MRC1: variants seen among roughly 807,000 people sequenced by gnomAD.
MRC1 encodes mannose receptor C-type 1.
MRC1 carries 62 observed loss-of-function variants against 102.9 expected under a neutral mutation model. That is an observed-to-expected ratio of 0.60 (90% CI 0.49 to 0.74). The LOEUF is 0.74. Ranked by LOEUF, MRC1 falls within the 30% of genes least tolerant of loss-of-function variation. The probability of loss-of-function intolerance (pLI) is 0.00; values close to 1 mark genes in which losing one functional copy is unlikely to be tolerated. For missense variants in MRC1, 1,237 were observed against 862.8 expected (o/e 1.43, Z -5.43); for synonymous variants, 457 against 298.4 (o/e 1.53, Z -5.48).
intron 22 of MRC1, among the ~76,000 whole-genome samples, chr10:17,892,182 G>A: frequency 6.6e-6 from 1 of 152,150 alleles, no homozygotes; most frequent in Admixed American, 6.5e-5. Flanking sequence ...CACCTCTCCT[G>A]TTGGAAGCAA....
chr10:17,875,283 T>G, intron 17 of MRC1, 30 bp downstream of exon 17: 1 of 778,552 alleles, frequency 1.3e-6, no homozygotes, highest in Non-Finnish European at 2.4e-6. Flanking sequence ...TTTAAAATTT[T>G]AATAGTTTTT....
chr10:17,861,048 G>A (rs953217440), intron 9 of MRC1, among the ~76,000 whole-genome samples: 7 of 152,278 alleles, frequency 4.6e-5, no homozygotes, highest in Admixed American at 1.3e-4. Context: ...AGTGGCTCAC[G>A]CCTATAATCC....
At chr10:17,872,436 A>C (rs1037577711) in intron 15 of MRC1, among the ~76,000 whole-genome samples, 2 of 152,194 alleles carry the variant, frequency 1.3e-5, no homozygotes, top group Non-Finnish European at 2.9e-5. Flanking sequence ...CTATGCTGTC[A>C]ACAGAATAAT....
chr10:17,855,571 C>CAAA (rs35692453), intron 8 of MRC1, among the ~76,000 whole-genome samples: 519 of 42,082 alleles, frequency 0.012, 95 homozygotes, highest in South Asian at 0.034. Context: ...GACTCCGTCT[C>CAAA]AAAAAAAAAA....
At chr10:17,908,614 C>G (rs1375784488) in intron 28 of MRC1, among the ~76,000 whole-genome samples, 1 of 150,156 alleles carries the variant, frequency 6.7e-6, no homozygotes, top group Non-Finnish European at 1.5e-5. Context: ...CTGTTGCCCA[C>G]TCTGTTGCCA....
At chr10:17,859,507 G>T (rs904303478) in intron 9 of MRC1, among the ~76,000 whole-genome samples, 128 of 152,142 alleles carry the variant, frequency 8.4e-4, no homozygotes, top group African/African-American at 3.0e-3. Flanking sequence ...CAGTCAAGAC[G>T]GGGTTTCACC....
chr10:17,833,003 T>G (rs967702443), intron 3 of MRC1, among the ~76,000 whole-genome samples: 2 of 151,976 alleles, frequency 1.3e-5, no homozygotes, highest in African/African-American at 4.8e-5. Context: ...TGGATAATTT[T>G]TGAATCCTCA....
chr10:17,845,494 T>G (rs1174833095), intron 6 of MRC1, 59 bp downstream of exon 6: 4 of 778,918 alleles, frequency 5.1e-6, no homozygotes, highest in African/African-American at 1.7e-5. Flanking sequence ...ATAAGTAACA[T>G]TACAGCTTAG....
chr10:17,879,116 A>G (rs1197992950), intron 18 of MRC1, among the ~76,000 whole-genome samples: 2 of 152,076 alleles, frequency 1.3e-5, no homozygotes, highest in Non-Finnish European at 1.5e-5. Flanking sequence ...GGGGAGTACG[A>G]TGGGAGGATT....
chr10:17,819,653 C>G (rs1838366184), intron 1 of MRC1, among the ~76,000 whole-genome samples: 1 of 152,084 alleles, frequency 6.6e-6, no homozygotes, highest in African/African-American at 2.4e-5. Context: ...GAGACTGAAG[C>G]AGTCTAGAGC....
In MRC1 at chr10:17,851,463, G is replaced by A. The variant is rs1002217525; in HGVS notation, c.1250-1504G>A. 1.2e-4 allele frequency among the ~76,000 whole-genome samples: 18 copies of A among 152,042 alleles called. 1 individual carries two copies. The South Asian group carries it at 1.2e-3, about 11-fold the overall frequency. On this transcript the variant is annotated intron_variant, in intron 7 of 29. Transcript: ENST00000569591. ...AGTGGACACATTAAGACCTATACAC[G>A]TAAGTTATGATTATACCAATGAATA... is the stretch of plus-strand genomic sequence containing the variant.
chr10:17,861,475 A>G lies in MRC1; in HGVS notation c.1607A>G (p.Asn536Ser), dbSNP rs1350722326. ...AEANQTCNNENAYLTTIEDRY... is the reference protein window; with the variant it reads ...AEANQTCNNESAYLTTIEDRY... The stretch of plus-strand genomic sequence containing the variant: ...GCAAACCAAACCTGTAATAATGAGA[A>G]TGCTTATTTAACAACTATTGAAGAC... The change falls in exon 10 of 30, where the codon AAT becomes AGT. Residue 536 changes from asparagine (N) to serine (S), a missense_variant. By Grantham distance (46) the Asn-to-Ser change is conservative (BLOSUM62 1). Coordinates refer to ENST00000569591, the MANE Select transcript of MRC1 (RefSeq NM_002438.4). The G allele has an allele frequency of 1.1e-6, 1 of 871,948 alleles. No homozygotes were observed. The highest frequency in any genetic ancestry group is 2.4e-5 in the East Asian group (1 of 41,610). The allele number at this position is 871,948 out of a possible 1,614,324, so 54.0% of individuals were successfully genotyped here.
chr10:17,858,384 C>T (rs1221795653), intron 9 of MRC1, among the ~76,000 whole-genome samples: 1 of 152,162 alleles, frequency 6.6e-6, no homozygotes, highest in Non-Finnish European at 1.5e-5. Flanking sequence ...TGGCATTCTG[C>T]AGTGCCTGGG....
chr10:17,898,104 T>C lies in MRC1; in HGVS notation c.3321T>C (p.Tyr1107=). 1.3e-6 allele frequency: 1 copy of C among 780,878 alleles called. No individual in the cohort carries two copies. Among genetic ancestry groups the C allele is most frequent in the Middle Eastern group, 2.3e-4 (1 of 4,436 alleles). 48.4% of individuals were successfully genotyped at this position (780,878 alleles called of 1,614,324 possible). The part of the protein sequence containing the change: ...DGFVKYGKSS[Y]SLMRQKFQWH... The stretch of plus-strand genomic sequence containing the variant: ...TTGTTAAATATGGCAAAAGCAGCTA[T>C]TCACTCATGAGACAAAAATTTCAAT... The change falls in exon 24 of 30, where the codon TAT becomes TAC. Residue 1107 remains tyrosine, a synonymous_variant. Coordinates refer to ENST00000569591, the MANE Select transcript of MRC1 (RefSeq NM_002438.4).
In MRC1 at chr10:17,861,164, T is replaced by C. The variant is rs1447823321; in HGVS notation, c.1519-223T>C. Among the ~76,000 whole-genome samples the C allele has an allele frequency of 6.6e-5, 10 of 152,124 alleles. 2 individuals carry two copies. The highest frequency in any genetic ancestry group is 1.9e-4 in the East Asian group (1 of 5,164). Reference sequence around the variant, plus strand: ...ATCTCTACTAAAAAGACAGAAAAATTTGGCCGGGTGTGGTGGCACGTGCCT... The same window carrying C: ...ATCTCTACTAAAAAGACAGAAAAATCTGGCCGGGTGTGGTGGCACGTGCCT... On this transcript the variant is annotated intron_variant, in intron 9 of 29. Transcript: ENST00000569591.
At chr10:17,832,708 C>T (rs1838595522) in intron 3 of MRC1, among the ~76,000 whole-genome samples, 1 of 151,226 alleles carries the variant, frequency 6.6e-6, no homozygotes, top group Non-Finnish European at 1.5e-5. Flanking sequence ...CTGCCTCAGC[C>T]TCCCGAGTAG....
rs991479635 is a variant in MRC1, at chr10:17,868,985, G to C, written c.1984-1261G>C. Among the ~76,000 whole-genome samples, 32 of 152,186 alleles carry C rather than the reference G, an allele frequency of 2.1e-4. 1 individual carries two copies. Among genetic ancestry groups the C allele is most frequent in the Non-Finnish European group, 1.2e-4 (8 of 68,028 alleles). On this transcript the variant is annotated intron_variant, in intron 12 of 29. Coordinates refer to ENST00000569591, the MANE Select transcript of MRC1 (RefSeq NM_002438.4). ...AAAGGCCAGATTCATCTTATTCCTA[G>C]CCTTCGCCTGAGGATGTTAGGCGAT... is the stretch of plus-strand genomic sequence containing the variant.
chr10:17,833,448 G>T (rs1373818567), intron 3 of MRC1, among the ~76,000 whole-genome samples: 1 of 148,350 alleles, frequency 6.7e-6, no homozygotes, highest in African/African-American at 2.5e-5. Flanking sequence ...TTAACCTCAA[G>T]AGTTGGAGAG....
At chr10:17,836,911 C>T (rs1324938129) in intron 4 of MRC1, among the ~76,000 whole-genome samples, 1 of 151,606 alleles carries the variant, frequency 6.6e-6, no homozygotes, top group Non-Finnish European at 1.5e-5. Flanking sequence ...GAAATGGTTT[C>T]AGTTGATGTG....
Sources: allele counts gnomAD v4.1 joint callset (sites outside exome capture counted in the v4.1 genomes callset), GRCh38; gene constraint gnomAD v4.1.1; transcripts MANE v1.5; gene names NCBI Gene and HGNC (gene_info 2026-07-23, HGNC 2026-07-21).